Variants in PER3 observed in about 807,000 individuals in gnomAD.
The protein encoded by PER3 is period circadian regulator 3, also known as period circadian protein homolog 3.
Under a neutral mutation model 127.2 loss-of-function variants are expected in PER3, and 107 were observed. The observed-to-expected ratio is 0.84, with a 90% CI of 0.72 to 0.99. The LOEUF (loss-of-function observed/expected upper bound fraction) is 0.99. PER3 is among the 50% of genes least tolerant of loss of function. The pLI is 0.00. For synonymous variants in PER3, 618 were observed against 585.8 expected, an observed-to-expected ratio of 1.05 and a Z score of -0.79; for missense variants, 1,560 against 1,525.8, an observed-to-expected ratio of 1.02 and a Z score of -0.37.
chr1:7,801,927 A>C (rs946439580), intron 8 of PER3, among the ~76,000 whole-genome samples: 1 of 152,198 alleles, frequency 6.6e-6, no homozygotes, highest in Non-Finnish European at 1.5e-5. Flanking sequence ...AAAATGTCAG[A>C]AACATTTTCT....
intron 7 of PER3, among the ~76,000 whole-genome samples, chr1:7,799,174 C>T (rs2097158977): frequency 6.6e-6 from 1 of 152,174 alleles, no homozygotes; most frequent in Non-Finnish European, 1.5e-5. Context: ...TGTAAAATGA[C>T]ATATGCTTTC....
In PER3 at chr1:7,785,456, A is replaced by C. The variant is rs776931584; in HGVS notation, c.144A>C (p.Arg48=). The C allele has an allele frequency of 1.9e-6, 3 of 1,612,722 alleles. No individual in the cohort carries two copies. ...TATCTTCCAGTGAACAGCAAGATCGAAACAGAGTTTCTGAAGAACTTATCA... is the reference window on the plus strand; with the variant it reads ...TATCTTCCAGTGAACAGCAAGATCGCAACAGAGTTTCTGAAGAACTTATCA... ...ADSSHSEQQD[R]NRVSEELIMV... The change falls in exon 3 of 22, where the codon CGA becomes CGC. Residue 48 remains arginine, a synonymous_variant. Coordinates refer to ENST00000377532, the MANE Select transcript of PER3 (RefSeq NM_001377275.1).
chr1:7,789,140 A>AAAATATAT (rs1553301245), intron 5 of PER3, among the ~76,000 whole-genome samples: 1 of 133,160 alleles, frequency 7.5e-6, no homozygotes, highest in African/African-American at 2.7e-5. Context: ...AGAGCTTTAA[A>AAAATATAT]ATATATATAT....
chr1:7,785,202 G>C (rs767343042), intron 2 of PER3, among the ~76,000 whole-genome samples, 197 bp downstream of exon 2: 57 of 152,212 alleles, frequency 3.7e-4, no homozygotes, highest in Non-Finnish European at 5.4e-4. Flanking sequence ...GGGAAAAGTG[G>C]TTACAAAAGT....
intron 13 of PER3, among the ~76,000 whole-genome samples, chr1:7,817,540 T>C (rs2097257061): frequency 6.6e-6 from 1 of 152,218 alleles, no homozygotes; most frequent in African/African-American, 2.4e-5. Flanking sequence ...AGCGACTTTA[T>C]ACTAGGGTTG....
chr1:7,785,701 C>A, intron 3 of PER3, 115 bp downstream of exon 3: 1 of 792,018 alleles, frequency 1.3e-6, no homozygotes, highest in Non-Finnish European at 2.0e-6. Flanking sequence ...TTTTCTGGTG[C>A]TTTGTGGAAG....
In PER3 at chr1:7,786,804, A is replaced by G. The variant is rs751663092; in HGVS notation, c.358A>G (p.Thr120Ala). ...CATGTACAGTCTTGAGGAGCTGGCC[A>G]CTATCGCTTCAGAACACACTTCCAA... ...VSMYSLEELA[T>A]IASEHTSKNT... Residue 120 changes from threonine to alanine, a missense_variant, in exon 4 of 22, where the codon ACT becomes GCT. This residue lies in a region of PER3 where 1,332 missense variants were observed against 1,223.6 expected (regional missense o/e 1.09). Transcript: ENST00000377532. The G allele has an allele frequency of 3.1e-6, 5 of 1,607,912 alleles. No individual in the cohort carries two copies. The highest frequency in any genetic ancestry group is 4.3e-6 in the Non-Finnish European group (5 of 1,174,406).
Position 7,823,819 on chromosome 1 carries a change from G to A in PER3, c.1958-2661G>A, listed in dbSNP as rs139300778. On this transcript the variant is annotated intron_variant, in intron 16 of 21. Coordinates refer to ENST00000377532, the MANE Select transcript of PER3 (RefSeq NM_001377275.1). ...TTGATCTAATTGACACTTAGAGAAC[G>A]TGAGACCCAGTAACTGTATAATCCA... 1.5e-3 allele frequency among the ~76,000 whole-genome samples: 227 copies of A among 152,278 alleles called. 1 individual carries two copies. The highest frequency in any genetic ancestry group is 0.01 in the Middle Eastern group (3 of 294).
chr1:7,835,716 C>T (rs189471043), intron 19 of PER3, 46 bp from the exon 20 acceptor site: 2 of 1,378,828 alleles, frequency 1.5e-6, no homozygotes, highest in Non-Finnish European at 2.0e-6. Context: ...TTTGGCAAAT[C>T]AGTCGGACAG....
At chr1:7,841,162 T>C (rs754304275) in intron 21 of PER3, among the ~76,000 whole-genome samples, 1 of 152,188 alleles carries the variant, frequency 6.6e-6, no homozygotes, top group Non-Finnish European at 1.5e-5. Flanking sequence ...CAAAATGTTT[T>C]AAGAAAGTTT....
chr1:7,816,403 A>G (rs796082073), intron 13 of PER3, among the ~76,000 whole-genome samples: 6 of 152,324 alleles, frequency 3.9e-5, no homozygotes, highest in South Asian at 2.1e-4. Flanking sequence ...AACGTACCCA[A>G]TCTTATCTGA....
intron 19 of PER3, among the ~76,000 whole-genome samples, chr1:7,835,003 G>A (rs1480680190): frequency 6.6e-6 from 1 of 152,078 alleles, no homozygotes; most frequent in African/African-American, 2.4e-5. Context: ...GGTGAGGAGG[G>A]GGTACATATA....
At chr1:7,840,470 C>T (rs572620241) in intron 21 of PER3, among the ~76,000 whole-genome samples, 22 of 151,144 alleles carry the variant, frequency 1.5e-4, no homozygotes, top group African/African-American at 5.3e-4. Context: ...TAGCACACAC[C>T]ACCATGCCCA....
intron 19 of PER3, among the ~76,000 whole-genome samples, chr1:7,832,263 G>C (rs1285654117): frequency 6.6e-6 from 1 of 151,410 alleles, no homozygotes; most frequent in Admixed American, 6.6e-5. Context: ...TGATCAATCT[G>C]ACTGTATGTT....
intron 21 of PER3, among the ~76,000 whole-genome samples, chr1:7,840,808 CTG>C (rs1330833128): frequency 6.6e-6 from 1 of 150,444 alleles, no homozygotes; most frequent in Admixed American, 6.6e-5. Flanking sequence ...GAGCCTCACT[CTG>C]TTGCCCAGTC....
chr1:7,835,645 A>C, intron 19 of PER3, 117 bp from the exon 20 acceptor site: 1 of 667,912 alleles, frequency 1.5e-6, no homozygotes, highest in Non-Finnish European at 2.6e-6. Context: ...CCCGGAAATG[A>C]TGGTTGGGCT....
Position 7,801,126 on chromosome 1 carries a change from A to G in PER3, c.807A>G (p.Pro269=). ...IHSGYEAPRI[P]VNKRIFTTTH... ...TTTTTTCCTTAGCTCCTCGGATCCC[A>G]GTGAATAAAAGAATCTTCACCACCA... The change falls in exon 8 of 22, where the codon CCA becomes CCG. Residue 269 remains proline (P), a synonymous_variant. Coordinates refer to ENST00000377532, the MANE Select transcript of PER3 (RefSeq NM_001377275.1). The G allele has an allele frequency of 6.2e-7, 1 of 1,604,186 alleles. No individual in the cohort carries two copies. Among genetic ancestry groups the G allele is most frequent in the Non-Finnish European group, 8.5e-7 (1 of 1,173,774 alleles).
intron 21 of PER3, among the ~76,000 whole-genome samples, chr1:7,838,961 GACTT>G (rs141135083): frequency 0.075 from 11,383 of 152,188 alleles, 527 homozygotes; most frequent in Middle Eastern, 0.13. Flanking sequence ...GGTAAAGAAG[GACTT>G]ACTTGTGGCA....
chr1:7,796,319 C>CTTTTTTTTTTTTTTT (rs71567315), intron 6 of PER3, among the ~76,000 whole-genome samples: 6 of 109,818 alleles, frequency 5.5e-5, no homozygotes, highest in Admixed American at 1.1e-4. Flanking sequence ...TTTCAGTTTC[C>CTTTTTTTTTTTTTTT]TTTTTTTTTT....
Sources: gnomAD v4.1 joint callset for allele counts (sites outside exome capture counted in the v4.1 genomes callset) on GRCh38, gnomAD v4.1.1 for gene constraint, gnomAD v4.1.1 regional missense constraint, MANE v1.5 for transcripts, NCBI Gene and HGNC (gene_info 2026-07-23, HGNC 2026-07-21) for gene names.